The following PIK3CD variants were observed in gnomAD, a reference collection of about 807,000 sequenced individuals.
PIK3CD encodes the protein phosphatidylinositol-4,5-bisphosphate 3-kinase catalytic subunit delta.
In PIK3CD, 20 loss-of-function variants were observed where a neutral mutation model predicts 122.9. That is an observed-to-expected ratio of 0.16 (90% confidence interval 0.11 to 0.24). PIK3CD has a LOEUF of 0.24. Among genes scored for constraint, PIK3CD ranks in the 10% least tolerant of loss-of-function variants. The probability of loss-of-function intolerance (pLI) is 1.00; values close to 1 mark genes in which losing one functional copy is unlikely to be tolerated. For missense variants in PIK3CD, 787 were observed against 1,406.3 expected (o/e 0.56, Z 7.04); for synonymous variants, 596 against 593.4 (o/e 1.00, Z -0.06).
chr1:9,716,591 A>G lies in PIK3CD; in HGVS notation c.752A>G (p.Tyr251Cys). ...GTGAACGGCAGGCATGAGTACCTGT[A>G]TGGCAGCTACCCGCTCTGCCAGTTC... ...LQVNGRHEYL[Y>C]GSYPLCQFQY... Residue 251 changes from tyrosine (Y) to cysteine (C), a missense_variant, in exon 6 of 24, where the codon TAT (tyrosine) becomes TGT (cysteine). This residue lies in a region of PIK3CD where 592 missense variants were observed against 920.6 expected (regional missense o/e 0.64). Coordinates refer to ENST00000377346, the MANE Select transcript of PIK3CD (RefSeq NM_005026.5). 1 of 1,574,144 alleles carries G rather than the reference A, an allele frequency of 6.4e-7. No individual in the cohort carries two copies. The highest frequency in any genetic ancestry group is 8.6e-7 in the Non-Finnish European group (1 of 1,161,734).
At chr1:9,670,212 C>T (rs1447133389) in intron 1 of PIK3CD, among the ~76,000 whole-genome samples, 1 of 151,692 alleles carries the variant, frequency 6.6e-6, no homozygotes, top group Non-Finnish European at 1.5e-5. Flanking sequence ...GATGTACTCC[C>T]AGACCACAAC....
Position 9,717,526 on chromosome 1 carries a change from C to G in PIK3CD, c.931-11C>G. The stretch of plus-strand genomic sequence containing the variant: ...GAGCCGTGTTAACAGCCCTGCTTCC[C>G]CGGCCCCCAGCCTTCCTCTGTGTCC... On this transcript the variant is annotated splice_polypyrimidine_tract_variant and intron_variant, in intron 7 of 23. Coordinates refer to ENST00000377346, the MANE Select transcript of PIK3CD (RefSeq NM_005026.5). The surrounding 1 kb of genome is among the most constrained non-coding windows in gnomAD (Gnocchi z 5.4). 1.2e-6 allele frequency: 2 copies of G among 1,613,640 alleles called. No individual in the cohort carries two copies. Among genetic ancestry groups the G allele is most frequent in the Non-Finnish European group, 1.7e-6 (2 of 1,179,680 alleles).
chr1:9,627,861 C>A, the PIK3CD span, among the ~76,000 whole-genome samples: 1 of 152,200 alleles, frequency 6.6e-6, no homozygotes, highest in African/African-American at 2.4e-5. Flanking sequence ...TCTAGTTCCG[C>A]AGCCCCGCAG....
At chr1:9,726,783 T>C in intron 23 of PIK3CD, 126 bp from the exon 24 acceptor site, 1 of 1,233,314 alleles carries the variant, frequency 8.1e-7, no homozygotes, top group Non-Finnish European at 1.2e-6. Context: ...AGAGAGCTTT[T>C]CCTGAGATGC....
chr1:9,695,331 T>C (rs1646363648), intron 2 of PIK3CD, among the ~76,000 whole-genome samples: 1 of 152,170 alleles, frequency 6.6e-6, no homozygotes, highest in Non-Finnish European at 1.5e-5. Flanking sequence ...AGGAAAAGTA[T>C]GTAGGAAACA....
In PIK3CD at chr1:9,720,257, C is replaced by G. The variant is rs375880685; in HGVS notation, c.1470+15C>G. 6.3e-7 allele frequency: 1 copy of G among 1,598,736 alleles called. No individual in the cohort carries two copies. Among genetic ancestry groups the G allele is most frequent in the Non-Finnish European group, 8.6e-7 (1 of 1,169,506 alleles). On this transcript the variant is annotated intron_variant, in intron 11 of 23. Transcript: ENST00000377346. This position sits in a 1 kb window ranked among gnomAD's most constrained non-coding sequence, Gnocchi z 9.0. ...CCCTGGAGAAGGTCAGTGGGGGCCC[C>G]GCCGCGTGAGGCTGAGGGGCTGGCG...
chr1:9,724,679 G>A lies in PIK3CD; in HGVS notation c.2865-125G>A. Reference sequence around the variant, plus strand: ...GTCAGTTAGCAGAACTGGAGGCCTTGTGTCCACCCATTATCAGGGCAAGGG... The same window carrying A: ...GTCAGTTAGCAGAACTGGAGGCCTTATGTCCACCCATTATCAGGGCAAGGG... On this transcript the variant is annotated intron_variant, in intron 22 of 23. Coordinates refer to ENST00000377346, the MANE Select transcript of PIK3CD (RefSeq NM_005026.5). This position sits in a 1 kb window ranked among gnomAD's most constrained non-coding sequence, Gnocchi z 7.3. 1 of 1,304,476 alleles carries A rather than the reference G, an allele frequency of 7.7e-7. No homozygotes were observed. The highest frequency in any genetic ancestry group is 1.2e-5 in the South Asian group (1 of 84,252). 80.8% of individuals were successfully genotyped at this position (1,304,476 alleles called of 1,614,324 possible).
chr1:9,693,471 G>A (rs1054886579), intron 2 of PIK3CD, among the ~76,000 whole-genome samples: 9 of 151,924 alleles, frequency 5.9e-5, no homozygotes, highest in Non-Finnish European at 1.3e-4. Context: ...GACCTCAAGG[G>A]ATCCACCTGC....
At position 9,722,709 on chromosome 1, in the gene PIK3CD, G is replaced by A. The variant is rs959723034; in HGVS notation, c.2426+103G>A. 54 of 1,003,520 alleles carry A rather than the reference G, an allele frequency of 5.4e-5. No individual in the cohort carries two copies. The highest frequency in any genetic ancestry group is 4.3e-4 in the Middle Eastern group (2 of 4,702). 62.2% of individuals were successfully genotyped at this position (1,003,520 alleles called of 1,614,324 possible). On this transcript the variant is annotated intron_variant, in intron 19 of 23. Transcript: ENST00000377346. This position sits in a 1 kb window ranked among gnomAD's most constrained non-coding sequence, Gnocchi z 7.6. ...TGAAGGTGGCATGACCATCTCAGCC[G>A]GGGAAAGGGCTTTCCTAGGAAGACC...
the PIK3CD span, among the ~76,000 whole-genome samples, chr1:9,645,355 C>T: frequency 6.6e-6 from 1 of 151,948 alleles, no homozygotes; most frequent in Non-Finnish European, 1.5e-5. Flanking sequence ...TCCTGGCACC[C>T]CAAGCAAAAG....
intron 1 of PIK3CD, among the ~76,000 whole-genome samples, chr1:9,666,485 G>A (rs1318075872): frequency 2.6e-5 from 4 of 151,676 alleles, no homozygotes; most frequent in African/African-American, 9.7e-5. Context: ...CACCTGCCCT[G>A]GCCTCCCAAG....
chr1:9,647,699 T>A (rs1198982208), upstream of PIK3CD, among the ~76,000 whole-genome samples: 2 of 151,784 alleles, frequency 1.3e-5, no homozygotes, highest in Non-Finnish European at 2.9e-5. Flanking sequence ...AAAGATGAGG[T>A]CTCACTATGT....
chr1:9,632,321 T>G, the PIK3CD span, among the ~76,000 whole-genome samples: 2 of 151,952 alleles, frequency 1.3e-5, no homozygotes, highest in Non-Finnish European at 2.9e-5. Flanking sequence ...TTCTTCTTTC[T>G]TTTTTTTAAA....
intron 23 of PIK3CD, among the ~76,000 whole-genome samples, chr1:9,726,316 G>A (rs893447909): frequency 1.3e-5 from 2 of 151,992 alleles, no homozygotes; most frequent in Admixed American, 6.6e-5. Flanking sequence ...AGACCATCCT[G>A]GCTAACACGG....
rs966087158 is a variant in PIK3CD, at chr1:9,715,080, G to T, written c.142-461G>T. Among the ~76,000 whole-genome samples, 1 of 152,180 alleles carries T rather than the reference G, an allele frequency of 6.6e-6. No individual in the cohort carries two copies. Among genetic ancestry groups the T allele is most frequent in the African/African-American group, 2.4e-5 (1 of 41,442 alleles). On this transcript the variant is annotated intron_variant, in intron 3 of 23. Transcript: ENST00000377346. The surrounding 1 kb of genome is among the most constrained non-coding windows in gnomAD (Gnocchi z 4.1). ...TAATCCCAGCTACTCGGGAGGCTGA[G>T]GCAAGAGAATCACTTGAACCTGGGA... is the stretch of plus-strand genomic sequence containing the variant.
rs1362576300 is a variant in PIK3CD at position 9,720,676 on chromosome 1, G to T, written c.1521+15G>T. 2.6e-6 allele frequency: 4 copies of T among 1,542,582 alleles called. No individual in the cohort carries two copies. In the Admixed American group the frequency reaches 7.8e-5, roughly 30 times the overall value. Reference sequence around the variant, plus strand: ...CCGAGGAGGAGGTGAGTGGGGTGGGGGTGTGGGGTGGGGGGCATGGAGCCG... The same window carrying T: ...CCGAGGAGGAGGTGAGTGGGGTGGGTGTGTGGGGTGGGGGGCATGGAGCCG... On this transcript the variant is annotated intron_variant, in intron 12 of 23. Coordinates refer to ENST00000377346, the MANE Select transcript of PIK3CD (RefSeq NM_005026.5). The surrounding 1 kb of genome is among the most constrained non-coding windows in gnomAD (Gnocchi z 9.0).
At chr1:9,699,885 C>T (rs1346111725) in intron 2 of PIK3CD, among the ~76,000 whole-genome samples, 1 of 152,110 alleles carries the variant, frequency 6.6e-6, no homozygotes, top group Non-Finnish European at 1.5e-5. Flanking sequence ...GAGCCACCGC[C>T]CCCGGCCCAG....
At chr1:9,664,454 C>T (rs995161258) in intron 1 of PIK3CD, among the ~76,000 whole-genome samples, 3 of 152,152 alleles carry the variant, frequency 2.0e-5, no homozygotes, top group African/African-American at 7.2e-5. Flanking sequence ...TGACCACCAC[C>T]CACAAGGGGA....
At position 9,724,342 on chromosome 1, in the gene PIK3CD, C is replaced by T. The variant is rs2101002964; in HGVS notation, c.2785C>T (p.Arg929Cys). 6.2e-7 allele frequency: 1 copy of T among 1,614,080 alleles called. No individual in the cohort carries two copies. The highest frequency in any genetic ancestry group is 8.5e-7 in the Non-Finnish European group (1 of 1,179,940). ...GACCAAGTTTGGAATCAACCGCGAG[C>T]GTGTCCCATTCATCCTCACCTACGA... ...FKTKFGINRE[R>C]VPFILTYDFV... The change falls in exon 22 of 24, where the codon CGT becomes TGT. Residue 929 changes from arginine (R) to cysteine (C), a missense_variant. Around this residue, in one of 6 missense-constraint regions of PIK3CD, gnomAD observed 17 missense variants for 97.0 expected, o/e 0.18. Coordinates refer to ENST00000377346, the MANE Select transcript of PIK3CD (RefSeq NM_005026.5). The surrounding 1 kb of genome is among the most constrained non-coding windows in gnomAD (Gnocchi z 7.3).
Sources: allele counts gnomAD v4.1 joint callset (sites outside exome capture counted in the v4.1 genomes callset), GRCh38; gene constraint gnomAD v4.1.1; regional missense constraint gnomAD v4.1.1; non-coding constraint Gnocchi (gnomAD v3.1); transcripts MANE v1.5; gene names NCBI Gene and HGNC (gene_info 2026-07-23, HGNC 2026-07-21).